The following PPP1R9A variants were observed in gnomAD, a reference collection of about 807,000 sequenced individuals.
PPP1R9A encodes the protein neurabin-1.
PPP1R9A carries 59 observed loss-of-function variants against 141.9 expected under a neutral mutation model. The ratio of observed to expected loss-of-function variants is 0.42; its 90% CI spans 0.34 to 0.52. The LOEUF (loss-of-function observed/expected upper bound fraction) is 0.52, where lower values mean the gene tolerates loss of function less well. Among genes scored for constraint, PPP1R9A ranks in the 20% least tolerant of loss-of-function variants. The probability of loss-of-function intolerance (pLI) is 0.10; values close to 1 mark genes in which losing one functional copy is unlikely to be tolerated. For missense variants in PPP1R9A, 1,444 were observed against 1,611.9 expected (o/e 0.90, Z 1.78); for synonymous variants, 500 against 569.7 (o/e 0.88, Z 1.74).
intron 2 of PPP1R9A, among the ~76,000 whole-genome samples, chr7:94,933,150 G>A (rs1025107630): frequency 6.6e-6 from 1 of 151,952 alleles, no homozygotes; most frequent in Admixed American, 6.6e-5. Flanking sequence ...TAATTATTAA[G>A]AACAGTTACA....
Position 95,252,048 on chromosome 7 carries a change from A to G in PPP1R9A, c.2583A>G (p.Thr861=). 2 of 1,613,622 alleles carry G rather than the reference A, an allele frequency of 1.2e-6. No individual in the cohort carries two copies. Among genetic ancestry groups the G allele is most frequent in the Non-Finnish European group, 1.7e-6 (2 of 1,179,856 alleles). ...NNNNNIFERR[T]SLGEVSKGDT... is the part of the protein sequence containing the mutation. ...ATAACAACATCTTTGAGAGAAGAAC[A>G]TCTCTTGGTGAAGTCTCTAAAGGGG... The change falls in exon 12 of 20, where the codon ACA becomes ACG. Residue 861 remains threonine (T), a synonymous_variant. Transcript: ENST00000433360.
chr7:94,936,233 C>A (rs371269718), intron 2 of PPP1R9A, among the ~76,000 whole-genome samples: 1 of 152,048 alleles, frequency 6.6e-6, no homozygotes, highest in Non-Finnish European at 1.5e-5. Context: ...TTCCTCTGGG[C>A]GCCAGTTTCC....
At chr7:95,194,687 A>G (rs1013818279) in intron 5 of PPP1R9A, among the ~76,000 whole-genome samples, 17 of 151,658 alleles carry the variant, frequency 1.1e-4, no homozygotes, top group African/African-American at 3.9e-4. Flanking sequence ...AACCAGAAAC[A>G]GAAATTTAAA....
chr7:95,150,127 T>C (rs1350381067), intron 4 of PPP1R9A, among the ~76,000 whole-genome samples: 3 of 141,014 alleles, frequency 2.1e-5, no homozygotes, highest in Non-Finnish European at 4.6e-5. Flanking sequence ...TCAACAATAG[T>C]ACTGGAATAA....
chr7:95,163,018 C>G (rs935261109), intron 5 of PPP1R9A, among the ~76,000 whole-genome samples: 1 of 152,056 alleles, frequency 6.6e-6, no homozygotes, highest in Non-Finnish European at 1.5e-5. Flanking sequence ...TGTGGGTGGG[C>G]CCATTCAGTA....
At chr7:95,039,151 G>A (rs1489100154) in intron 2 of PPP1R9A, among the ~76,000 whole-genome samples, 2 of 152,068 alleles carry the variant, frequency 1.3e-5, no homozygotes, top group Non-Finnish European at 2.9e-5. Flanking sequence ...ATGACACAGA[G>A]GTTGGAATTA....
intron 12 of PPP1R9A, among the ~76,000 whole-genome samples, chr7:95,259,121 C>T (rs779272109): frequency 3.9e-5 from 6 of 152,102 alleles, no homozygotes; most frequent in Admixed American, 2.0e-4. Flanking sequence ...TTCACTACCA[C>T]GCATCTGAAG....
At chr7:95,270,541 G>A (rs898107431) in intron 14 of PPP1R9A, among the ~76,000 whole-genome samples, 2 of 152,004 alleles carry the variant, frequency 1.3e-5, no homozygotes, top group South Asian at 2.1e-4. Context: ...AGCATCTAAC[G>A]GAATATCAAA....
At chr7:95,263,342 A>G (rs1052448535) in intron 12 of PPP1R9A, among the ~76,000 whole-genome samples, 1 of 152,224 alleles carries the variant, frequency 6.6e-6, no homozygotes, top group African/African-American at 2.4e-5. Flanking sequence ...GTACCCTTTG[A>G]CCAACATCTC....
chr7:95,008,051 G>A (rs1005329228), intron 2 of PPP1R9A, among the ~76,000 whole-genome samples: 3 of 152,206 alleles, frequency 2.0e-5, no homozygotes. Flanking sequence ...CAGCCTGGGG[G>A]ACAGAGTGAG....
rs763483523 is a variant in PPP1R9A at position 95,284,003 on chromosome 7, C to A, written c.3297-15C>A. On this transcript the variant is annotated splice_polypyrimidine_tract_variant and intron_variant, in intron 16 of 19. Coordinates refer to ENST00000433360, the MANE Select transcript of PPP1R9A (RefSeq NM_001166160.2). Reference sequence around the variant, plus strand: ...CCTTTCTTTATCTAACACACCCATTCTTTTCACAAAACAGGATCTTCAGAG... The same window carrying A: ...CCTTTCTTTATCTAACACACCCATTATTTTCACAAAACAGGATCTTCAGAG... 1.3e-6 allele frequency: 2 copies of A among 1,568,910 alleles called. No homozygotes were observed. The highest frequency in any genetic ancestry group is 1.7e-6 in the Non-Finnish European group (2 of 1,158,902).
At chr7:95,044,211 A>G (rs1423990864) in intron 2 of PPP1R9A, among the ~76,000 whole-genome samples, 3 of 152,174 alleles carry the variant, frequency 2.0e-5, no homozygotes, top group Non-Finnish European at 2.9e-5. Context: ...CAGATCTTGA[A>G]AGCCACACTT....
intron 4 of PPP1R9A, among the ~76,000 whole-genome samples, chr7:95,132,161 A>G (rs1194090492): frequency 6.6e-6 from 1 of 152,126 alleles, no homozygotes; most frequent in Non-Finnish European, 1.5e-5. Flanking sequence ...TTCTTTTCTT[A>G]TTTGGATGTC....
intron 5 of PPP1R9A, among the ~76,000 whole-genome samples, chr7:95,175,306 A>G (rs10247564): frequency 0.012 from 1,740 of 148,182 alleles, 28 homozygotes; most frequent in African/African-American, 0.042. Context: ...ATGTGGAGGG[A>G]TGGTCAGTCA....
chr7:95,219,798 A>G (rs2152938356), intron 7 of PPP1R9A, among the ~76,000 whole-genome samples: 1 of 152,216 alleles, frequency 6.6e-6, no homozygotes, highest in South Asian at 2.1e-4. Context: ...ACCACAAAAG[A>G]TACAAACTAA....
At chr7:94,949,591 A>G (rs1210832745) in intron 2 of PPP1R9A, among the ~76,000 whole-genome samples, 1 of 152,092 alleles carries the variant, frequency 6.6e-6, no homozygotes, top group African/African-American at 2.4e-5. Context: ...CTATTGGGCT[A>G]GTTAGCAGCT....
chr7:95,213,525 T>C (rs1187002100), intron 7 of PPP1R9A, among the ~76,000 whole-genome samples: 2 of 151,998 alleles, frequency 1.3e-5, no homozygotes, highest in African/African-American at 4.8e-5. Flanking sequence ...GGTTTCACCA[T>C]GTTGGCCAGG....
intron 2 of PPP1R9A, among the ~76,000 whole-genome samples, chr7:94,993,561 C>T (rs1801783325): frequency 6.6e-6 from 1 of 152,114 alleles, no homozygotes; most frequent in Non-Finnish European, 1.5e-5. Flanking sequence ...TCTTTAATTT[C>T]TCTCAGCAGT....
chr7:94,913,444 A>G (rs185177878), intron 2 of PPP1R9A, among the ~76,000 whole-genome samples: 14 of 152,284 alleles, frequency 9.2e-5, no homozygotes, highest in Admixed American at 7.8e-4. Flanking sequence ...GCATTTCATC[A>G]AGAATAAGAT....
Sources: allele counts gnomAD v4.1 joint callset (sites outside exome capture counted in the v4.1 genomes callset), GRCh38; gene constraint gnomAD v4.1.1; transcripts MANE v1.5; gene names NCBI Gene and HGNC (gene_info 2026-07-23, HGNC 2026-07-21).